FHIT: variants seen among roughly 807,000 people sequenced by gnomAD.
FHIT encodes bis(5'-adenosyl)-triphosphatase.
Under a neutral mutation model 17.9 loss-of-function variants are expected in FHIT, and 19 were observed. That is an observed-to-expected ratio of 1.06 (90% CI 0.74 to 1.56). The LOEUF (loss-of-function observed/expected upper bound fraction) is 1.56, where lower values mean the gene tolerates loss of function less well. Among genes scored for constraint, FHIT ranks in the 40% most tolerant of loss-of-function variants. The pLI is 0.00. For synonymous variants in FHIT, 81 were observed against 69.7 expected, an observed-to-expected ratio of 1.16 and a Z score of -0.81; for missense variants, 248 against 189.2, an observed-to-expected ratio of 1.31 and a Z score of -1.82.
intron 3 of FHIT, among the ~76,000 whole-genome samples, chr3:60,879,428 C>G (rs201586960): frequency 6.6e-6 from 1 of 152,166 alleles, no homozygotes; most frequent in Admixed American, 6.5e-5. Flanking sequence ...TCTTTCTCTG[C>G]AAAAGCCACT....
chr3:60,281,255 C>T (rs1285107474), intron 5 of FHIT, among the ~76,000 whole-genome samples: 2 of 152,100 alleles, frequency 1.3e-5, no homozygotes, highest in African/African-American at 4.8e-5. Flanking sequence ...ATACTGTTAT[C>T]GGTTCTTCCC....
At chr3:60,157,308 A>G (rs1700745575) in intron 5 of FHIT, among the ~76,000 whole-genome samples, 1 of 152,116 alleles carries the variant, frequency 6.6e-6, no homozygotes, top group Admixed American at 6.5e-5. Flanking sequence ...GCACATCAAG[A>G]GCTTTTTTTA....
At chr3:60,966,725 A>G (rs143683484) in intron 3 of FHIT, among the ~76,000 whole-genome samples, 4 of 152,382 alleles carry the variant, frequency 2.6e-5, no homozygotes, top group East Asian at 1.9e-4. Flanking sequence ...AAGGGTATCA[A>G]TTAAGAGGCT....
At chr3:59,830,701 C>A (rs17061241) in intron 8 of FHIT, among the ~76,000 whole-genome samples, 1 of 152,130 alleles carries the variant, frequency 6.6e-6, no homozygotes, top group Non-Finnish European at 1.5e-5. Context: ...ATCTGTGGGC[C>A]AGGTCAACCA....
At chr3:60,127,130 T>C (rs1705588933) in intron 5 of FHIT, among the ~76,000 whole-genome samples, 1 of 152,026 alleles carries the variant, frequency 6.6e-6, no homozygotes, top group South Asian at 2.1e-4. Context: ...AGCGATCCCA[T>C]CTAGATTTAC....
chr3:60,056,132 G>T (rs1702070642), intron 5 of FHIT, among the ~76,000 whole-genome samples: 1 of 152,138 alleles, frequency 6.6e-6, no homozygotes, highest in Admixed American at 6.5e-5. Flanking sequence ...CCATACATAG[G>T]GCTTCCTGAG....
intron 5 of FHIT, among the ~76,000 whole-genome samples, chr3:60,295,738 G>A (rs185665790): frequency 3.0e-4 from 46 of 152,234 alleles, no homozygotes; most frequent in Admixed American, 4.6e-4. Context: ...TCTATCAAGC[G>A]TGACTGTATC....
At chr3:59,941,549 G>A (rs1318532505) in intron 7 of FHIT, among the ~76,000 whole-genome samples, 4 of 152,164 alleles carry the variant, frequency 2.6e-5, no homozygotes, top group Non-Finnish European at 5.9e-5. Context: ...TGGGTACTGT[G>A]TAGTTATATA....
At chr3:60,491,928 T>C (rs2034084784) in intron 5 of FHIT, among the ~76,000 whole-genome samples, 1 of 152,194 alleles carries the variant, frequency 6.6e-6, no homozygotes, top group Admixed American at 6.5e-5. Flanking sequence ...AAAGTAGCAT[T>C]ACATGTTTGG....
chr3:60,664,440 C>T (rs2040334470), intron 4 of FHIT, among the ~76,000 whole-genome samples: 1 of 151,946 alleles, frequency 6.6e-6, no homozygotes, highest in Non-Finnish European at 1.5e-5. Context: ...CCTCCCTCCC[C>T]CTTCTTCCTC....
At position 61,211,291 on chromosome 3, in the gene FHIT, A is replaced by G. The variant is rs550929490; in HGVS notation, c.-212-10626T>C. Reference sequence around the variant, plus strand: ...CAGACGGCACCTGGAAAATAGGGTCACTCCCACCCTAATACTGCACTTTTC... The same window carrying G: ...CAGACGGCACCTGGAAAATAGGGTCGCTCCCACCCTAATACTGCACTTTTC... On this transcript the variant is annotated intron_variant, in intron 1 of 9. Transcript: ENST00000492590. 7.1e-4 allele frequency among the ~76,000 whole-genome samples: 100 copies of G among 141,714 alleles called. 1 individual carries two copies. Among genetic ancestry groups the G allele is most frequent in the African/African-American group, 2.4e-3 (93 of 38,244 alleles). The allele number at this position is 141,714 out of a possible 152,430, so 93.0% of individuals were successfully genotyped here. A position where few individuals can be genotyped will look rare whatever the true frequency, so the allele number is the denominator to read the frequency against.
At position 61,239,774 on chromosome 3, in the gene FHIT, TATATATATATAC is replaced by T. The variant is rs1490159795; in HGVS notation, c.-213+11515_-213+11526del. 1.5e-5 allele frequency among the ~76,000 whole-genome samples: 2 copies of T among 137,464 alleles called. 1 individual carries two copies. Among genetic ancestry groups the T allele is most frequent in the Admixed American group, 1.4e-4 (2 of 13,984 alleles). 90.2% of individuals were successfully genotyped at this position (137,464 alleles called of 152,430 possible). A position where few individuals can be genotyped will look rare whatever the true frequency, so the allele number is the denominator to read the frequency against. On this transcript the variant is annotated intron_variant, in intron 1 of 9. Coordinates refer to ENST00000492590, the MANE Select transcript of FHIT (RefSeq NM_002012.4). ...AAAAACAACTGGCCATATATATATA[TATATATATATAC>T]ACAAATTCTAAACAATACTACTCAT...
chr3:60,231,878 T>C (rs1261433124), intron 5 of FHIT, among the ~76,000 whole-genome samples: 2 of 152,154 alleles, frequency 1.3e-5, no homozygotes, highest in African/African-American at 2.4e-5. Flanking sequence ...TTAGGGAGAT[T>C]ATCCTGGGTG....
intron 8 of FHIT, among the ~76,000 whole-genome samples, chr3:59,843,837 T>C (rs1701619392): frequency 6.6e-6 from 1 of 152,104 alleles, no homozygotes; most frequent in Non-Finnish European, 1.5e-5. Context: ...TAATACAGTT[T>C]GTATGTTGTC....
intron 7 of FHIT, among the ~76,000 whole-genome samples, chr3:59,969,258 A>G (rs1035351497): frequency 6.6e-6 from 1 of 152,134 alleles, no homozygotes; most frequent in South Asian, 2.1e-4. Flanking sequence ...TCTCCATTCC[A>G]TTATTCAAAA....
At chr3:61,248,584 T>C (rs1277468329) in intron 1 of FHIT, among the ~76,000 whole-genome samples, 3 of 152,224 alleles carry the variant, frequency 2.0e-5, no homozygotes, top group Non-Finnish European at 4.4e-5. Context: ...TCAGAATTTG[T>C]TCTCAAGTGT....
intron 8 of FHIT, among the ~76,000 whole-genome samples, chr3:59,916,395 T>G: frequency 6.6e-6 from 1 of 152,158 alleles, no homozygotes; most frequent in East Asian, 1.9e-4. Context: ...CTGGCTTCCT[T>G]GCTCCTCCGC....
intron 5 of FHIT, among the ~76,000 whole-genome samples, chr3:60,261,230 T>C (rs7616955): frequency 0.014 from 2,156 of 152,182 alleles, 48 homozygotes; most frequent in African/African-American, 0.049. Flanking sequence ...CTCTGAATTC[T>C]TCCTTGCATG....
chr3:60,939,600 C>T (rs1708325853), intron 3 of FHIT, among the ~76,000 whole-genome samples: 2 of 151,990 alleles, frequency 1.3e-5, no homozygotes, highest in South Asian at 4.2e-4. Context: ...TCCAAATGCT[C>T]TATGTGATAT....
Sources: gnomAD v4.1 joint callset for allele counts (sites outside exome capture counted in the v4.1 genomes callset) on GRCh38, gnomAD v4.1.1 for gene constraint, MANE v1.5 for transcripts, NCBI Gene and HGNC (gene_info 2026-07-23, HGNC 2026-07-21) for gene names.